POU6F2: variants seen among roughly 807,000 people sequenced by gnomAD.
The protein encoded by POU6F2 is POU domain, class 6, transcription factor 2.
A neutral mutation model predicts 71.3 loss-of-function variants in POU6F2; 31 were observed. The observed-to-expected ratio is 0.43, with a 90% CI of 0.33 to 0.59. The LOEUF (loss-of-function observed/expected upper bound fraction) is 0.59. POU6F2 is among the 20% of genes least tolerant of loss of function. The probability of loss-of-function intolerance (pLI) is 0.04; values close to 1 mark genes in which losing one functional copy is unlikely to be tolerated. For synonymous variants in POU6F2, 347 were observed against 355.7 expected, an observed-to-expected ratio of 0.98 and a Z score of 0.27; for missense variants, 783 against 856.8, an observed-to-expected ratio of 0.91 and a Z score of 1.07.
rs75098433 is a variant in POU6F2, at chr7:39,458,418, G to A, written c.1490-2129G>A. Among the ~76,000 whole-genome samples the A allele has an allele frequency of 1.2e-3, 180 of 152,140 alleles. 1 individual carries two copies. Among genetic ancestry groups the A allele is most frequent in the African/African-American group, 4.1e-3 (169 of 41,506 alleles). On this transcript the variant is annotated intron_variant, in intron 8 of 9. Transcript: ENST00000518318. ...TTTATGTAAACACTAGGAAAGCTGGGTTTTATTTGCACACTGCTCATTTGC... is the reference window on the plus strand; with the variant it reads ...TTTATGTAAACACTAGGAAAGCTGGATTTTATTTGCACACTGCTCATTTGC...
chr7:39,221,384 C>CTCTT (rs1554333308), intron 4 of POU6F2, among the ~76,000 whole-genome samples: 3 of 86,330 alleles, frequency 3.5e-5, no homozygotes, highest in African/African-American at 4.8e-5. Context: ...CTCTCTCTCT[C>CTCTT]TTTTTTTTTT....
At chr7:39,048,116 A>G (rs760234029) in intron 1 of POU6F2, among the ~76,000 whole-genome samples, 18 of 152,018 alleles carry the variant, frequency 1.2e-4, no homozygotes, top group Non-Finnish European at 2.6e-4. Flanking sequence ...CAGTGAAGCT[A>G]TCTAGAACTA....
At chr7:39,036,288 A>C (rs1460721155) in intron 1 of POU6F2, among the ~76,000 whole-genome samples, 1 of 152,074 alleles carries the variant, frequency 6.6e-6, no homozygotes, top group African/African-American at 2.4e-5. Context: ...TTGTTTATTT[A>C]ATTGTAACAG....
Position 39,195,056 on chromosome 7 carries a change from C to T in POU6F2, c.278-9179C>T, listed in dbSNP as rs188988275. 2.8e-3 allele frequency among the ~76,000 whole-genome samples: 430 copies of T among 152,248 alleles called. 1 individual carries two copies. The highest frequency in any genetic ancestry group is 4.4e-3 in the Non-Finnish European group (298 of 68,024). On this transcript the variant is annotated intron_variant, in intron 2 of 9. Transcript: ENST00000518318. ...GAAGTCAGCCAGACCAAGAACCCAGCGGAAGGAACCAATTCTGGACACAGT... is the reference window on the plus strand; with the variant it reads ...GAAGTCAGCCAGACCAAGAACCCAGTGGAAGGAACCAATTCTGGACACAGT...
intron 2 of POU6F2, among the ~76,000 whole-genome samples, chr7:39,123,877 A>T (rs1327166321): frequency 6.6e-6 from 1 of 152,118 alleles, no homozygotes; most frequent in Non-Finnish European, 1.5e-5. Flanking sequence ...TAGTAGTAAA[A>T]TCTGTAAATT....
chr7:39,170,484 A>C (rs1793197202), intron 2 of POU6F2, among the ~76,000 whole-genome samples: 1 of 152,168 alleles, frequency 6.6e-6, no homozygotes, highest in South Asian at 2.1e-4. Flanking sequence ...GAACAACATA[A>C]CCATGCAGTA....
At position 39,079,202 on chromosome 7, in the gene POU6F2, T is replaced by C. The variant is rs1227377902; in HGVS notation, c.106-6658T>C. ...TATCTTTTTTTTTTTTTTTTTTTTT[T>C]TTCCGAGACGGAGTCTCACCCTGTC... is the stretch of plus-strand genomic sequence containing the variant. On this transcript the variant is annotated intron_variant, in intron 1 of 9. Coordinates refer to ENST00000518318, the MANE Select transcript of POU6F2 (RefSeq NM_001370959.1). 2.7e-5 allele frequency among the ~76,000 whole-genome samples: 4 copies of C among 147,280 alleles called. No individual in the cohort carries two copies. The East Asian group carries it at 5.9e-4, about 22-fold the overall frequency.
At chr7:39,317,281 C>T (rs574882584) in intron 4 of POU6F2, among the ~76,000 whole-genome samples, 1 of 152,288 alleles carries the variant, frequency 6.6e-6, no homozygotes, top group Admixed American at 6.5e-5. Flanking sequence ...ACAGAGGCTG[C>T]CAACATGATG....
chr7:39,250,001 A>G (rs553339305), intron 4 of POU6F2, among the ~76,000 whole-genome samples: 2 of 152,240 alleles, frequency 1.3e-5, no homozygotes, highest in Non-Finnish European at 2.9e-5. Context: ...ATCTGCAGGC[A>G]TTAAAGCGTG....
At chr7:39,084,553 G>A (rs955172014) in intron 1 of POU6F2, among the ~76,000 whole-genome samples, 1 of 152,156 alleles carries the variant, frequency 6.6e-6, no homozygotes, top group East Asian at 1.9e-4. Flanking sequence ...ATATTTAAGT[G>A]CTGTGTAAAT....
At chr7:39,373,369 A>G (rs1786650402) in intron 5 of POU6F2, 5 of 451,710 alleles carry the variant, frequency 1.1e-5, no homozygotes, top group Non-Finnish European at 1.8e-5. Flanking sequence ...AGGCTGACCA[A>G]TGCTATGAGC....
chr7:39,195,929 C>G (rs541421928), intron 2 of POU6F2, among the ~76,000 whole-genome samples: 1 of 152,322 alleles, frequency 6.6e-6, no homozygotes, highest in African/African-American at 2.4e-5. Context: ...GCTCTTCTCT[C>G]TCTCTCTCCT....
At chr7:39,147,370 T>G (rs1419512455) in intron 2 of POU6F2, among the ~76,000 whole-genome samples, 3 of 152,190 alleles carry the variant, frequency 2.0e-5, no homozygotes, top group Non-Finnish European at 2.9e-5. Context: ...CATATTTATG[T>G]GTATTTACTT....
At chr7:39,141,600 T>C (rs1792503156) in intron 2 of POU6F2, among the ~76,000 whole-genome samples, 1 of 152,236 alleles carries the variant, frequency 6.6e-6, no homozygotes, top group Non-Finnish European at 1.5e-5. Flanking sequence ...TTAAAACTTA[T>C]CTATAGTTCC....
At chr7:39,388,312 A>G (rs1301481029) in intron 5 of POU6F2, among the ~76,000 whole-genome samples, 1 of 140,558 alleles carries the variant, frequency 7.1e-6, no homozygotes, top group Non-Finnish European at 1.5e-5. Flanking sequence ...TGATTATCAA[A>G]ATGATTTTCT....
intron 5 of POU6F2, among the ~76,000 whole-genome samples, chr7:39,357,047 TA>T (rs1200229802): frequency 6.6e-6 from 1 of 152,208 alleles, no homozygotes; most frequent in African/African-American, 2.4e-5. Context: ...CAGGTCTTGT[TA>T]ATACTTTATA....
rs1369189797 is a variant in POU6F2 at position 39,377,114 on chromosome 7, A to G, written c.973-29486A>G. ...AACTTAAATATTAAATAACTTAAAT[A>G]TTAAATATATTTATAATTATATATA... On this transcript the variant is annotated intron_variant, in intron 5 of 9. Coordinates refer to ENST00000518318, the MANE Select transcript of POU6F2 (RefSeq NM_001370959.1). 2.0e-5 allele frequency among the ~76,000 whole-genome samples: 3 copies of G among 148,544 alleles called. No individual in the cohort carries two copies. The East Asian group carries it at 5.8e-4, about 29-fold the overall frequency.
intron 1 of POU6F2, among the ~76,000 whole-genome samples, chr7:38,981,565 A>G (rs1788317088): frequency 6.6e-6 from 1 of 152,216 alleles, no homozygotes; most frequent in South Asian, 2.1e-4. Flanking sequence ...ATATTTATCA[A>G]GTATATCTAA....
At chr7:39,100,755 C>T (rs1167788851) in intron 2 of POU6F2, among the ~76,000 whole-genome samples, 2 of 152,150 alleles carry the variant, frequency 1.3e-5, no homozygotes, top group South Asian at 2.1e-4. Flanking sequence ...AGCTGTATCG[C>T]CCCTTAGATG....
Sources: allele counts gnomAD v4.1 joint callset (sites outside exome capture counted in the v4.1 genomes callset), GRCh38; gene constraint gnomAD v4.1.1; transcripts MANE v1.5; gene names NCBI Gene and HGNC (gene_info 2026-07-23, HGNC 2026-07-21).